SLC4A4: variants seen among roughly 807,000 people sequenced by gnomAD.
SLC4A4 encodes the protein electrogenic sodium bicarbonate cotransporter 1.
A neutral mutation model predicts 111.5 loss-of-function variants in SLC4A4; 27 were observed. That is an observed-to-expected ratio of 0.24 (90% CI 0.18 to 0.33). The LOEUF (loss-of-function observed/expected upper bound fraction) is 0.33. Ranked by LOEUF, SLC4A4 falls within the 10% of genes least tolerant of loss-of-function variation. The pLI, the probability that SLC4A4 is intolerant of heterozygous loss-of-function variation, is 1.00. For synonymous variants in SLC4A4, 443 were observed against 463.4 expected (o/e 0.96, Z 0.57); for missense variants, 909 against 1,315.5 (o/e 0.69, Z 4.78).
At chr4:71,292,541 T>C (rs1724435228) in intron 3 of SLC4A4, among the ~76,000 whole-genome samples, 1 of 152,190 alleles carries the variant, frequency 6.6e-6, no homozygotes, top group African/African-American at 2.4e-5. Flanking sequence ...TTTCCAATGC[T>C]CTATAAAATG....
At chr4:71,417,048 A>G (rs141849359) in intron 7 of SLC4A4, among the ~76,000 whole-genome samples, 3 of 152,196 alleles carry the variant, frequency 2.0e-5, no homozygotes, top group Non-Finnish European at 4.4e-5. Flanking sequence ...TAGTGGAGCT[A>G]TCAGTGTCCC....
intron 3 of SLC4A4, among the ~76,000 whole-genome samples, chr4:71,280,638 TCTTTCACAG>T (rs1287675054): frequency 6.6e-6 from 1 of 152,174 alleles, no homozygotes; most frequent in East Asian, 1.9e-4. Flanking sequence ...TCTTAAAGTG[TCTTTCACAG>T]AGCAGAAGTT....
chr4:71,105,617 G>A lies in SLC4A4; in HGVS notation c.-2+12825G>A, dbSNP rs1258578082. On this transcript the variant is annotated intron_variant, in intron 2 of 26. Coordinates refer to the SLC4A4 transcript ENST00000649996. ...GAACAGAGCCCTCAGAAATAACGCC[G>A]CATATCTACAACTATCTGATCTTTG... Among the ~76,000 whole-genome samples, 18 of 140,820 alleles carry A rather than the reference G, an allele frequency of 1.3e-4. No homozygotes were observed. In the South Asian group the frequency reaches 1.6e-3, roughly 13 times the overall value. The allele number at this position is 140,820 out of a possible 152,430, so 92.4% of individuals were successfully genotyped here.
At chr4:71,270,356 C>T (rs1722617077) in intron 3 of SLC4A4, among the ~76,000 whole-genome samples, 2 of 152,300 alleles carry the variant, frequency 1.3e-5, no homozygotes, top group South Asian at 4.1e-4. Context: ...TCCCAAAGTG[C>T]TGGGATTACA....
rs80080445 is a variant in SLC4A4, at chr4:71,440,430, A to G, written c.808-186A>G. 1.1e-3 allele frequency among the ~76,000 whole-genome samples: 167 copies of G among 152,356 alleles called. 3 individuals are homozygous for G. In the East Asian group the frequency reaches 0.027, roughly 25 times the overall value. The stretch of plus-strand genomic sequence containing the variant: ...TTCAAGGTACAGATAAATGTTTACT[A>G]TAATATAATGTTTAAACATAATGTA... On this transcript the variant is annotated intron_variant, in intron 7 of 25. Coordinates refer to ENST00000264485, the MANE Select transcript of SLC4A4 (RefSeq NM_001098484.3).
At chr4:71,211,029 G>A (rs1375900833) in intron 1 of SLC4A4, among the ~76,000 whole-genome samples, 2 of 152,216 alleles carry the variant, frequency 1.3e-5, no homozygotes, top group African/African-American at 2.4e-5. Flanking sequence ...CTCGCATTCA[G>A]AATGTTTTTC....
chr4:71,176,513 C>T (rs886678424), intron 2 of SLC4A4, among the ~76,000 whole-genome samples: 6 of 152,094 alleles, frequency 3.9e-5, no homozygotes, highest in Admixed American at 1.3e-4. Context: ...AACCAAGGCA[C>T]GAGAACTACG....
chr4:71,551,230 A>G (rs927263603), intron 20 of SLC4A4, among the ~76,000 whole-genome samples: 1 of 151,970 alleles, frequency 6.6e-6, no homozygotes, highest in African/African-American at 2.4e-5. Context: ...CTTTGCTTGA[A>G]ATAGTTTAAT....
At chr4:71,434,691 C>T (rs576364757) in intron 7 of SLC4A4, 1 of 152,260 alleles carries the variant, frequency 6.6e-6, no homozygotes, top group Non-Finnish European at 1.5e-5. Context: ...AGGCCCAAAT[C>T]TCCTCAAGCT....
intron 12 of SLC4A4, among the ~76,000 whole-genome samples, chr4:71,458,246 T>A (rs1009886740): frequency 3.3e-5 from 5 of 152,084 alleles, no homozygotes; most frequent in Non-Finnish European, 7.4e-5. Flanking sequence ...CCTATGCAAA[T>A]TAAATCAACA....
At chr4:71,193,821 TC>T (rs1157001563) in intron 1 of SLC4A4, among the ~76,000 whole-genome samples, 13 of 152,324 alleles carry the variant, frequency 8.5e-5, no homozygotes, top group African/African-American at 3.1e-4. Flanking sequence ...GGAGTTCAGT[TC>T]TTTTATTTGT....
chr4:71,567,732 C>G, intron 25 of SLC4A4, 56 bp from the exon 26 acceptor site: 3 of 790,988 alleles, frequency 3.8e-6, no homozygotes, highest in Non-Finnish European at 6.2e-6. Context: ...AAACATTTGA[C>G]AGATGATGAA....
At chr4:71,484,314 A>G (rs938070478) in intron 14 of SLC4A4, among the ~76,000 whole-genome samples, 1 of 151,696 alleles carries the variant, frequency 6.6e-6, no homozygotes, top group Admixed American at 6.6e-5. Flanking sequence ...TGGGTTTTGC[A>G]TTTAAGTATT....
chr4:71,245,886 G>A (rs1231430681), intron 2 of SLC4A4, among the ~76,000 whole-genome samples: 2 of 152,118 alleles, frequency 1.3e-5, no homozygotes, highest in African/African-American at 2.4e-5. Flanking sequence ...CTGGGAAGAG[G>A]GTGAAGCCTC....
intron 1 of SLC4A4, among the ~76,000 whole-genome samples, chr4:71,207,378 A>G (rs1356496541): frequency 1.3e-5 from 2 of 152,238 alleles, no homozygotes; most frequent in Non-Finnish European, 2.9e-5. Context: ...AATTAGAACA[A>G]TTTAAAAATC....
rs1230557641 is a variant in SLC4A4, at chr4:71,349,979, T to C, written c.457T>C (p.Leu153=). 5 of 1,613,978 alleles carry C rather than the reference T, an allele frequency of 3.1e-6. No homozygotes were observed. Among genetic ancestry groups the C allele is most frequent in the Admixed American group, 1.7e-5 (1 of 59,992 alleles). Residue 153 remains leucine, a synonymous_variant, in exon 5 of 26, where the codon TTG becomes CTG. Transcript: ENST00000264485. ...ATGGAGCAAGCCCCATGTGGCCACA[T>C]TGTCCCTTCATAGTTTATTTGAGCT... ...ERWSKPHVAT[L]SLHSLFELRT... is the part of the protein sequence containing the mutation.
At chr4:71,422,693 C>G (rs1722670087) in intron 7 of SLC4A4, among the ~76,000 whole-genome samples, 1 of 151,068 alleles carries the variant, frequency 6.6e-6, no homozygotes, top group Non-Finnish European at 1.5e-5. Flanking sequence ...ATACGCAAAT[C>G]AATAAATGTA....
At chr4:71,364,602 A>G (rs1421228885) in intron 6 of SLC4A4, among the ~76,000 whole-genome samples, 2 of 152,254 alleles carry the variant, frequency 1.3e-5, no homozygotes, top group East Asian at 3.9e-4. Context: ...ACATTCCTTC[A>G]AGCCTTTCAG....
At chr4:71,247,709 C>A (rs1038391688) in intron 2 of SLC4A4, among the ~76,000 whole-genome samples, 5 of 152,160 alleles carry the variant, frequency 3.3e-5, no homozygotes. Flanking sequence ...TGTCAGTTCT[C>A]TGTGTTTGGC....
Sources: gnomAD v4.1 joint callset for allele counts (sites outside exome capture counted in the v4.1 genomes callset) on GRCh38, gnomAD v4.1.1 for gene constraint, MANE v1.5 for transcripts, NCBI Gene and HGNC (gene_info 2026-07-23, HGNC 2026-07-21) for gene names.